The following PTPRG variants were observed in gnomAD, a reference collection of about 807,000 sequenced individuals.
PTPRG encodes protein tyrosine phosphatase receptor type G.
PTPRG carries 102 observed loss-of-function variants against 165.3 expected under a neutral mutation model. The observed-to-expected ratio is 0.62, with a 90% CI of 0.53 to 0.73. PTPRG has a LOEUF of 0.73. Among genes scored for constraint, PTPRG ranks in the 30% least tolerant of loss-of-function variants. The pLI is 0.00. For missense variants in PTPRG, 1,866 were observed against 1,861.4 expected, an observed-to-expected ratio of 1.00 and a Z score of -0.05; for synonymous variants, 675 against 669.5, an observed-to-expected ratio of 1.01 and a Z score of -0.13.
rs1700843978 is a variant in PTPRG at position 62,229,472 on chromosome 3, A to G, written c.2289-1753A>G. ...CAAGCTAACACATAGTCATTAGACA[A>G]AAGCGGAAAGAGATTCACTGCTAAA... On this transcript the variant is annotated intron_variant, in intron 13 of 29. Coordinates refer to ENST00000474889, the MANE Select transcript of PTPRG (RefSeq NM_002841.4). The surrounding 1 kb of genome is among the most constrained non-coding windows in gnomAD (Gnocchi z 4.6). Among the ~76,000 whole-genome samples, 1 of 152,248 alleles carries G rather than the reference A, an allele frequency of 6.6e-6. No individual in the cohort carries two copies. Among genetic ancestry groups the G allele is most frequent in the Non-Finnish European group, 1.5e-5 (1 of 68,040 alleles).
chr3:61,654,436 G>C (rs1317925697), intron 1 of PTPRG, among the ~76,000 whole-genome samples: 3 of 152,042 alleles, frequency 2.0e-5, no homozygotes, highest in Non-Finnish European at 4.4e-5. Flanking sequence ...CCAGGCCAGA[G>C]TGCAGTGGTG....
intron 1 of PTPRG, among the ~76,000 whole-genome samples, chr3:61,662,146 T>C (rs576884499): frequency 2.7e-4 from 41 of 152,354 alleles, no homozygotes; most frequent in African/African-American, 7.9e-4. Flanking sequence ...TTTGAACATA[T>C]GTCCACAAAA....
chr3:62,131,276 A>G (rs1019543358), intron 5 of PTPRG, among the ~76,000 whole-genome samples: 4 of 152,228 alleles, frequency 2.6e-5, no homozygotes, highest in Middle Eastern at 6.8e-3. Context: ...GTCTCCAGAC[A>G]TGGTCACATG....
chr3:61,918,231 A>G (rs1246670762), intron 2 of PTPRG, among the ~76,000 whole-genome samples: 1 of 152,230 alleles, frequency 6.6e-6, no homozygotes, highest in African/African-American at 2.4e-5. Flanking sequence ...TTTGATGTCA[A>G]TGTGAAAGTG....
intron 2 of PTPRG, among the ~76,000 whole-genome samples, chr3:61,888,491 C>T (rs1009207020): frequency 6.6e-6 from 1 of 152,080 alleles, no homozygotes; most frequent in Admixed American, 6.5e-5. Flanking sequence ...CCACTATGCG[C>T]GGCTAATTTT....
chr3:61,725,858 C>T (rs974863775), intron 1 of PTPRG, among the ~76,000 whole-genome samples: 3 of 151,980 alleles, frequency 2.0e-5, no homozygotes, highest in African/African-American at 4.8e-5. Context: ...CTGTTTTATT[C>T]CTTTCTGGAT....
intron 4 of PTPRG, among the ~76,000 whole-genome samples, chr3:62,009,754 G>C (rs1329504690): frequency 6.6e-6 from 1 of 152,112 alleles, no homozygotes; most frequent in African/African-American, 2.4e-5. Flanking sequence ...AGGCACTCAG[G>C]TTCCTGCCTT....
At chr3:62,256,710 G>A (rs925772284) in intron 16 of PTPRG, among the ~76,000 whole-genome samples, 1 of 152,222 alleles carries the variant, frequency 6.6e-6, no homozygotes, top group South Asian at 2.1e-4. Flanking sequence ...CTAGAGAGCC[G>A]AATTTGATCA....
At chr3:61,941,713 C>T (rs376731486) in intron 2 of PTPRG, among the ~76,000 whole-genome samples, 1 of 152,208 alleles carries the variant, frequency 6.6e-6, no homozygotes, top group Non-Finnish European at 1.5e-5. Flanking sequence ...TCAATAGTCT[C>T]CCTCCAACTT....
intron 2 of PTPRG, among the ~76,000 whole-genome samples, chr3:61,982,760 TA>T (rs2040670326): frequency 1.3e-5 from 2 of 152,184 alleles, no homozygotes; most frequent in Non-Finnish European, 2.9e-5. Context: ...ACCTCCAGTT[TA>T]GGCATTGGTA....
chr3:62,161,780 G>T (rs1467115970), intron 7 of PTPRG, among the ~76,000 whole-genome samples: 1 of 152,184 alleles, frequency 6.6e-6, no homozygotes, highest in Non-Finnish European at 1.5e-5. Flanking sequence ...GGTTCAGTAA[G>T]TAAAATTTCG....
intron 4 of PTPRG, among the ~76,000 whole-genome samples, chr3:62,058,701 A>G (rs1346071761): frequency 6.6e-6 from 1 of 152,174 alleles, no homozygotes; most frequent in Admixed American, 6.5e-5. Context: ...CCAAGTAGGC[A>G]GTAGGGACCA....
chr3:61,970,831 G>A (rs2040365557), intron 2 of PTPRG, among the ~76,000 whole-genome samples: 1 of 152,134 alleles, frequency 6.6e-6, no homozygotes, highest in Admixed American at 6.5e-5. Context: ...GTTCATAAAT[G>A]GGAACTTATA....
intron 2 of PTPRG, among the ~76,000 whole-genome samples, chr3:61,918,450 T>A (rs1318498299): frequency 2.6e-5 from 4 of 152,194 alleles, no homozygotes; most frequent in Non-Finnish European, 5.9e-5. Flanking sequence ...TGATGCATTG[T>A]GGTACTCTGA....
At chr3:61,873,811 C>T (rs1175123049) in intron 2 of PTPRG, among the ~76,000 whole-genome samples, 3 of 151,946 alleles carry the variant, frequency 2.0e-5, no homozygotes, top group Non-Finnish European at 4.4e-5. Flanking sequence ...GTGATCAGGG[C>T]TCTGAGGCTG....
intron 1 of PTPRG, among the ~76,000 whole-genome samples, chr3:61,632,941 C>T (rs997177096): frequency 3.9e-5 from 6 of 152,156 alleles, no homozygotes; most frequent in Admixed American, 6.5e-5. Flanking sequence ...CCTTGCATGC[C>T]GGCTGTTTCC....
chr3:62,011,227 G>A (rs979120148), intron 4 of PTPRG, among the ~76,000 whole-genome samples: 4 of 152,164 alleles, frequency 2.6e-5, no homozygotes, highest in Non-Finnish European at 4.4e-5. Context: ...ATTGTCCGCC[G>A]CTGGCATATT....
intron 3 of PTPRG, among the ~76,000 whole-genome samples, chr3:61,995,737 T>C (rs1357581571): frequency 2.2e-4 from 25 of 113,266 alleles, no homozygotes; most frequent in Middle Eastern, 4.2e-3. Context: ...CCTTCCTTCC[T>C]TCCTTCCTTC....
rs565685621 is a variant in PTPRG at position 62,218,846 on chromosome 3, G to A, written c.2156-5G>A. 1.2e-6 allele frequency: 2 copies of A among 1,611,634 alleles called. No individual in the cohort carries two copies. Among genetic ancestry groups the A allele is most frequent in the South Asian group, 1.1e-5 (1 of 90,546 alleles). On this transcript the variant is annotated splice_region_variant and splice_polypyrimidine_tract_variant and intron_variant, in intron 12 of 29. Coordinates refer to ENST00000474889, the MANE Select transcript of PTPRG (RefSeq NM_002841.4). ...TCCTCTAACTGGGATGATTTCTCTTGGCAGCGGAAAAAAACACCTCTGGAA... is the reference window on the plus strand; with the variant it reads ...TCCTCTAACTGGGATGATTTCTCTTAGCAGCGGAAAAAAACACCTCTGGAA...
Sources: allele counts gnomAD v4.1 joint callset (sites outside exome capture counted in the v4.1 genomes callset), GRCh38; gene constraint gnomAD v4.1.1; non-coding constraint Gnocchi (gnomAD v3.1); transcripts MANE v1.5; gene names NCBI Gene and HGNC (gene_info 2026-07-23, HGNC 2026-07-21).